EIPR1: variants seen among roughly 807,000 people sequenced by gnomAD.
The protein encoded by EIPR1 is EARP complex and GARP complex interacting protein 1.
A neutral mutation model predicts 48.1 loss-of-function variants in EIPR1; 25 were observed. That is an observed-to-expected ratio of 0.52 (90% CI 0.38 to 0.73). The LOEUF is 0.73. EIPR1 is among the 30% of genes least tolerant of loss of function. EIPR1 has a pLI of 0.00. For missense variants in EIPR1, 415 were observed against 506.2 expected (o/e 0.82, Z 1.73); for synonymous variants, 204 against 201.9 (o/e 1.01, Z -0.09).
chr2:3,260,269 G>A (rs1439194303), intron 3 of EIPR1, among the ~76,000 whole-genome samples: 2 of 152,148 alleles, frequency 1.3e-5, no homozygotes, highest in African/African-American at 4.8e-5. Context: ...AAGGCAGGCG[G>A]ATCATGAGGT....
intron 4 of EIPR1, among the ~76,000 whole-genome samples, chr2:3,254,754 C>G (rs995035410): frequency 1.3e-5 from 2 of 152,158 alleles, no homozygotes; most frequent in African/African-American, 2.4e-5. Flanking sequence ...CACAAGGGAC[C>G]CAGGGTTGGA....
At chr2:3,218,702 C>T (rs1047199354) in intron 4 of EIPR1, among the ~76,000 whole-genome samples, 16 of 145,644 alleles carry the variant, frequency 1.1e-4, no homozygotes, top group South Asian at 2.3e-4. Flanking sequence ...ACACCCAACA[C>T]GGCCCTGATA....
At chr2:3,270,274 G>A (rs547977874) in intron 3 of EIPR1, among the ~76,000 whole-genome samples, 1 of 152,364 alleles carries the variant, frequency 6.6e-6, no homozygotes, top group South Asian at 2.1e-4. Context: ...GTTCCAAAGA[G>A]TCTCTCAGAA....
At chr2:3,208,299 A>C in intron 5 of EIPR1, 1 of 577,074 alleles carries the variant, frequency 1.7e-6, no homozygotes, top group East Asian at 3.0e-5. Flanking sequence ...CACAGACCTG[A>C]AGGAGGACAG....
chr2:3,285,959 C>T (rs997921704), intron 3 of EIPR1, among the ~76,000 whole-genome samples: 14 of 152,066 alleles, frequency 9.2e-5, no homozygotes, highest in Middle Eastern at 3.4e-3. Context: ...CAGAAGTCAC[C>T]GATGTCTCCG....
intron 3 of EIPR1, among the ~76,000 whole-genome samples, chr2:3,288,959 C>T (rs1668288457): frequency 6.6e-6 from 1 of 152,240 alleles, no homozygotes; most frequent in African/African-American, 2.4e-5. Flanking sequence ...GGAGCCCCAC[C>T]CCGCACACAG....
Position 3,362,702 on chromosome 2 carries a change from T to G in EIPR1, c.43-8069A>C, listed in dbSNP as rs140179938. Among the ~76,000 whole-genome samples, 1,139 of 149,310 alleles carry G rather than the reference T, an allele frequency of 7.6e-3. 25 individuals carry two copies. Among genetic ancestry groups the G allele is most frequent in the African/African-American group, 0.027 (1,097 of 40,722 alleles). On this transcript the variant is annotated intron_variant, in intron 1 of 8. Coordinates refer to ENST00000382125, the MANE Select transcript of EIPR1 (RefSeq NM_003310.5). ...ACAGAAATATAAACTCCATCTACAG[T>G]GAAACTTAGAAACATCTATAATCCA... is the stretch of plus-strand genomic sequence containing the variant.
chr2:3,368,785 G>C (rs1451385576), intron 1 of EIPR1, among the ~76,000 whole-genome samples: 2 of 152,088 alleles, frequency 1.3e-5, no homozygotes, highest in Admixed American at 1.3e-4. Context: ...GTGTGCAAAA[G>C]CATTTCAAAT....
chr2:3,303,352 T>A (rs1193195548), intron 3 of EIPR1, among the ~76,000 whole-genome samples: 1 of 151,076 alleles, frequency 6.6e-6, no homozygotes, highest in Non-Finnish European at 1.5e-5. Context: ...AGCAGGGGAG[T>A]CTCTGCGGCC....
At chr2:3,281,907 G>C (rs191551515) in intron 3 of EIPR1, among the ~76,000 whole-genome samples, 1 of 152,126 alleles carries the variant, frequency 6.6e-6, no homozygotes, top group Non-Finnish European at 1.5e-5. Flanking sequence ...AAGTTTCTGC[G>C]GGATGATAGA....
chr2:3,299,618 TCTCTCTCA>T (rs1342976295), intron 3 of EIPR1, among the ~76,000 whole-genome samples: 2 of 125,976 alleles, frequency 1.6e-5, no homozygotes, highest in East Asian at 2.5e-4. Context: ...TCTCTCTCTC[TCTCTCTCA>T]CACACACACA....
At chr2:3,337,424 T>G (rs953121560) in intron 3 of EIPR1, among the ~76,000 whole-genome samples, 7 of 152,184 alleles carry the variant, frequency 4.6e-5, no homozygotes, top group African/African-American at 1.7e-4. Flanking sequence ...TCCTAGGAGA[T>G]ATTTCTCCAT....
intron 4 of EIPR1, 32 bp from the exon 5 acceptor site, chr2:3,214,280 T>A: frequency 6.3e-7 from 1 of 1,587,052 alleles, no homozygotes; most frequent in Non-Finnish European, 8.6e-7. Context: ...AATGTTAACA[T>A]AAACATTTGA....
intron 4 of EIPR1, chr2:3,214,578 G>A (rs550177149): frequency 7.3e-4 from 143 of 196,494 alleles, no homozygotes; most frequent in Non-Finnish European, 1.8e-4. Context: ...AAAATGCAGT[G>A]GATGCACCTA....
intron 3 of EIPR1, among the ~76,000 whole-genome samples, chr2:3,306,422 A>C (rs570770036): frequency 6.6e-6 from 1 of 152,186 alleles, no homozygotes; most frequent in Non-Finnish European, 1.5e-5. Flanking sequence ...TTTCTTTATG[A>C]AATTACGGTT....
At chr2:3,303,690 A>G (rs1056004457) in intron 3 of EIPR1, among the ~76,000 whole-genome samples, 2 of 152,238 alleles carry the variant, frequency 1.3e-5, no homozygotes, top group Non-Finnish European at 2.9e-5. Flanking sequence ...AACCCGCCAG[A>G]CGCCGGCAAC....
At chr2:3,372,041 A>C (rs1423615594) in intron 1 of EIPR1, among the ~76,000 whole-genome samples, 34 of 152,092 alleles carry the variant, frequency 2.2e-4, no homozygotes, top group East Asian at 3.9e-4. Flanking sequence ...TCTCTCAGAC[A>C]ACAGTGCAAT....
chr2:3,341,095 C>CAAAAAAAAAAAAA (rs55667121), intron 2 of EIPR1, among the ~76,000 whole-genome samples: 31 of 22,182 alleles, frequency 1.4e-3, no homozygotes, highest in Non-Finnish European at 2.0e-3. Flanking sequence ...GATCCTGTCT[C>CAAAAAAAAAAAAA]AAAAAAAAAA....
chr2:3,353,588 T>C (rs1385680185), intron 2 of EIPR1, among the ~76,000 whole-genome samples: 1 of 152,240 alleles, frequency 6.6e-6, no homozygotes, highest in Non-Finnish European at 1.5e-5. Flanking sequence ...ATATTCTGAT[T>C]GCTTGTAAGT....
Sources: gnomAD v4.1 joint callset for allele counts (sites outside exome capture counted in the v4.1 genomes callset) on GRCh38, gnomAD v4.1.1 for gene constraint, MANE v1.5 for transcripts, NCBI Gene and HGNC (gene_info 2026-07-23, HGNC 2026-07-21) for gene names.